Variants in VPS13D observed in about 807,000 individuals in gnomAD.
VPS13D encodes the protein vacuolar protein sorting 13 homolog D.
A neutral mutation model predicts 461.9 loss-of-function variants in VPS13D; 187 were observed. That is an observed-to-expected ratio of 0.40 (90% CI 0.36 to 0.46). VPS13D has a LOEUF of 0.46. VPS13D is among the 20% of genes least tolerant of loss of function. The pLI, the probability that VPS13D is intolerant of heterozygous loss-of-function variation, is 0.60. For missense variants in VPS13D, 4,711 were observed against 5,364.9 expected (o/e 0.88, Z 3.81); for synonymous variants, 1,951 against 1,986.3 (o/e 0.98, Z 0.47).
intron 26 of VPS13D, among the ~76,000 whole-genome samples, chr1:12,305,123 A>G (rs1349186224): frequency 6.6e-6 from 1 of 152,244 alleles, no homozygotes; most frequent in Admixed American, 6.5e-5. Flanking sequence ...GAACACATTA[A>G]AAAATATTAG....
chr1:12,460,718 T>C (rs1645400852), intron 67 of VPS13D, among the ~76,000 whole-genome samples: 1 of 151,996 alleles, frequency 6.6e-6, no homozygotes, highest in African/African-American at 2.4e-5. Flanking sequence ...GAGGTCAGAA[T>C]TAGGATTAAA....
At chr1:12,464,169 G>C (rs796821657) in intron 67 of VPS13D, among the ~76,000 whole-genome samples, 1 of 152,064 alleles carries the variant, frequency 6.6e-6, no homozygotes, top group Non-Finnish European at 1.5e-5. Context: ...CAACCATCCC[G>C]GTTGATTGAA....
At chr1:12,375,943 A>G (rs1644192855) in intron 55 of VPS13D, among the ~76,000 whole-genome samples, 1 of 152,094 alleles carries the variant, frequency 6.6e-6, no homozygotes, top group African/African-American at 2.4e-5. Flanking sequence ...GGAAGGGAGG[A>G]AGGGAACTGG....
chr1:12,277,767 G>T lies in VPS13D; in HGVS notation c.4179G>T (p.Gly1393=). 1 of 1,614,182 alleles carries T rather than the reference G, an allele frequency of 6.2e-7. No homozygotes were observed. The highest frequency in any genetic ancestry group is 8.5e-7 in the Non-Finnish European group (1 of 1,180,036). The part of the protein sequence containing the change: ...SPVVSIPRKP[G]SPELLVGHLG... ...TTGTTTCTATCCCTCGGAAGCCGGG[G>T]AGTCCTGAGTTGTTGGTGGGACACT... The change falls in exon 19 of 70, where the codon GGG becomes GGT. Residue 1393 remains glycine, a synonymous_variant. Transcript: ENST00000620676.
At chr1:12,392,878 G>C (rs1644446361) in intron 60 of VPS13D, among the ~76,000 whole-genome samples, 1 of 152,210 alleles carries the variant, frequency 6.6e-6, no homozygotes, top group Admixed American at 6.5e-5. Context: ...ACCTGTTGCA[G>C]AGTCTTCTCC....
intron 65 of VPS13D, among the ~76,000 whole-genome samples, chr1:12,421,044 GTTTAA>G (rs1178000233): frequency 6.6e-6 from 1 of 152,154 alleles, no homozygotes; most frequent in Admixed American, 6.5e-5. Flanking sequence ...CATCTCTGTT[GTTTAA>G]TTTATTTAAT....
At chr1:12,461,251 A>G (rs557641312) in intron 67 of VPS13D, among the ~76,000 whole-genome samples, 1 of 152,278 alleles carries the variant, frequency 6.6e-6, no homozygotes, top group South Asian at 2.1e-4. Flanking sequence ...GCCCTTTTAG[A>G]ATGCCTAGGG....
At chr1:12,372,222 T>G (rs968855077) in intron 54 of VPS13D, among the ~76,000 whole-genome samples, 2 of 152,038 alleles carry the variant, frequency 1.3e-5, no homozygotes, top group Admixed American at 6.6e-5. Flanking sequence ...CCCAGCTAAT[T>G]GAAAAAAAAT....
chr1:12,475,629 G>T (rs188389689), intron 67 of VPS13D, among the ~76,000 whole-genome samples: 1 of 152,170 alleles, frequency 6.6e-6, no homozygotes, highest in Non-Finnish European at 1.5e-5. Context: ...TCTCATCCCC[G>T]CAAGGGATTG....
intron 65 of VPS13D, among the ~76,000 whole-genome samples, chr1:12,429,571 C>T (rs555653126): frequency 2.0e-4 from 31 of 152,328 alleles, no homozygotes; most frequent in African/African-American, 7.0e-4. Context: ...GCATTACAGG[C>T]GTGAGCCACT....
At chr1:12,305,335 T>G (rs1232417128) in intron 26 of VPS13D, among the ~76,000 whole-genome samples, 1 of 152,126 alleles carries the variant, frequency 6.6e-6, no homozygotes, top group African/African-American at 2.4e-5. Flanking sequence ...AGTGCAGTGT[T>G]GTGATGATGG....
chr1:12,499,047 C>T (rs752165118), intron 68 of VPS13D, among the ~76,000 whole-genome samples: 1 of 152,080 alleles, frequency 6.6e-6, no homozygotes, highest in Non-Finnish European at 1.5e-5. Flanking sequence ...CAGAACTGCT[C>T]CAGTTCATTC....
At chr1:12,381,499 C>A (rs1274136293) in intron 57 of VPS13D, among the ~76,000 whole-genome samples, 1 of 152,180 alleles carries the variant, frequency 6.6e-6, no homozygotes, top group Non-Finnish European at 1.5e-5. Flanking sequence ...TAAATATGGC[C>A]TGAGAAGGAC....
chr1:12,310,534 A>G (rs1642705693), intron 27 of VPS13D, among the ~76,000 whole-genome samples: 1 of 152,118 alleles, frequency 6.6e-6, no homozygotes, highest in Non-Finnish European at 1.5e-5. Context: ...CCCAGCTGAG[A>G]TGACGAACCT....
At position 12,314,288 on chromosome 1, in the gene VPS13D, G is replaced by C; in HGVS notation, c.7109G>C (p.Ser2370Thr). The C allele has an allele frequency of 6.2e-7, 1 of 1,614,184 alleles. No individual in the cohort carries two copies. Among genetic ancestry groups the C allele is most frequent in the South Asian group, 1.1e-5 (1 of 91,088 alleles). ...ATCTTTCAGCCCGCTAAGAACAGCA[G>C]CACCACCCAAGGGTCCATTCAGATT... ...SCIFQPAKNS[S>T]TTQGSIQIEL... Residue 2370 changes from serine (S) to threonine (T), a missense_variant, in exon 30 of 70, where the codon AGC (serine) becomes ACC (threonine). Physicochemically the swap from Ser to Thr is moderately conservative, Grantham distance 58. Coordinates refer to ENST00000620676, the MANE Select transcript of VPS13D (RefSeq NM_015378.4).
At chr1:12,281,327 T>G (rs1179365495) in intron 20 of VPS13D, among the ~76,000 whole-genome samples, 2 of 152,240 alleles carry the variant, frequency 1.3e-5, no homozygotes, top group Non-Finnish European at 2.9e-5. Context: ...AAGCATTGCA[T>G]TTGGGTGATA....
intron 65 of VPS13D, among the ~76,000 whole-genome samples, chr1:12,439,063 A>G (rs1033351712): frequency 6.6e-6 from 1 of 152,164 alleles, no homozygotes; most frequent in African/African-American, 2.4e-5. Flanking sequence ...TACTACTGAC[A>G]TTGAACCTCA....
Position 12,275,919 on chromosome 1 carries a change from C to T in VPS13D, c.2331C>T (p.Asn777=), listed in dbSNP as rs1641597757. 6.2e-7 allele frequency: 1 copy of T among 1,613,954 alleles called. No individual in the cohort carries two copies. The highest frequency in any genetic ancestry group is 8.5e-7 in the Non-Finnish European group (1 of 1,179,990). ...EYKTPLATPP[N]TPPPESSSSN... The stretch of plus-strand genomic sequence containing the variant: ...AGACCCCCCTGGCCACACCTCCTAA[C>T]ACCCCACCTCCCGAGTCAAGCAGCA... The change falls in exon 19 of 70, where the codon AAC becomes AAT. Residue 777 remains asparagine (N), a synonymous_variant. Transcript: ENST00000620676.
In VPS13D at chr1:12,356,451, T is replaced by G. The variant is rs200628839; in HGVS notation, c.9925T>G (p.Phe3309Val). ...DNAKTDAAGQ[F>V]EEHELARSLS... ...TGCCAAGACAGATGCTGCAGGCCAG[T>G]TTGAGGAGCATGAGCTGGCCCGTAG... The change falls in exon 49 of 70, where the codon TTT becomes GTT. Residue 3309 changes from phenylalanine to valine, a missense_variant. This residue lies in a region of VPS13D where 4,411 missense variants were observed against 4,937.8 expected (regional missense o/e 0.89). Transcript: ENST00000620676. The G allele has an allele frequency of 2.5e-6, 4 of 1,614,012 alleles. No individual in the cohort carries two copies. In the Admixed American group the frequency reaches 6.7e-5, roughly 27 times the overall value.
Sources: allele counts gnomAD v4.1 joint callset (sites outside exome capture counted in the v4.1 genomes callset), GRCh38; gene constraint gnomAD v4.1.1; regional missense constraint gnomAD v4.1.1; transcripts MANE v1.5; gene names NCBI Gene and HGNC (gene_info 2026-07-23, HGNC 2026-07-21).